Variants in FLNB observed in about 807,000 individuals in gnomAD.
FLNB encodes filamin B, also known as filamin-B.
In FLNB, 111 loss-of-function variants were observed where a neutral mutation model predicts 250.6. The observed-to-expected ratio is 0.44, with a 90% CI of 0.38 to 0.52. The LOEUF is 0.52. FLNB is among the 20% of genes least tolerant of loss of function. The pLI, the probability that FLNB is intolerant of heterozygous loss-of-function variation, is 0.00. For synonymous variants in FLNB, 1,302 were observed against 1,372.1 expected (o/e 0.95, Z 1.13); for missense variants, 2,869 against 3,447.8 (o/e 0.83, Z 4.20).
chr3:58,170,564 T>C lies in FLNB; in HGVS notation c.7622-11T>C, dbSNP rs1265676720. The C allele has an allele frequency of 6.2e-7, 1 of 1,614,000 alleles. No homozygotes were observed. The highest frequency in any genetic ancestry group is 2.2e-5 in the East Asian group (1 of 44,884). ...TGCATCCGGGTGGAGTAACCACCTT[T>C]TGCCTCCTAGGCTCCAACATGCTGC... is the stretch of plus-strand genomic sequence containing the variant. On this transcript the variant is annotated splice_polypyrimidine_tract_variant and intron_variant, in intron 45 of 45. Transcript: ENST00000295956.
intron 1 of FLNB, among the ~76,000 whole-genome samples, chr3:58,033,303 A>G (rs945029170): frequency 6.6e-6 from 1 of 151,834 alleles, no homozygotes; most frequent in African/African-American, 2.4e-5. Flanking sequence ...TTCCACACCC[A>G]TGCTCAAGCA....
chr3:58,060,827 A>C (rs1168100285), intron 1 of FLNB, among the ~76,000 whole-genome samples: 1 of 151,632 alleles, frequency 6.6e-6, no homozygotes, highest in Non-Finnish European at 1.5e-5. Context: ...AGAAAAGAAA[A>C]GAAAAACATG....
At position 58,098,039 on chromosome 3, in the gene FLNB, T is replaced by A. The variant is rs1374344429; in HGVS notation, c.1147+62T>A. The A allele has an allele frequency of 3.2e-6, 5 of 1,555,174 alleles. No homozygotes were observed. The African/African-American group carries it at 4.1e-5, about 13-fold the overall frequency. ...CTTTCTTCCAGAGGCTGAAATATAA[T>A]CCTCGGGGACTTGAAGGCCTGACCT... On this transcript the variant is annotated intron_variant, in intron 7 of 45. Transcript: ENST00000295956.
At chr3:58,010,871 T>C (rs570980335) in intron 1 of FLNB, among the ~76,000 whole-genome samples, 3 of 152,050 alleles carry the variant, frequency 2.0e-5, no homozygotes, top group African/African-American at 7.2e-5. Flanking sequence ...CTAGATTTTG[T>C]CTACATTTTT....
intron 1 of FLNB, among the ~76,000 whole-genome samples, chr3:58,013,105 A>G (rs1382645074): frequency 1.3e-5 from 2 of 152,214 alleles, no homozygotes; most frequent in Admixed American, 1.3e-4. Context: ...AGGAGTTGGC[A>G]GTTTTATTTA....
At chr3:58,076,915 A>G (rs2097202527) in intron 1 of FLNB, 131 bp from the exon 2 acceptor site, 1 of 1,093,452 alleles carries the variant, frequency 9.1e-7, no homozygotes, top group Non-Finnish European at 1.4e-6. Flanking sequence ...TTTCAGCATT[A>G]CATCATTTCA....
chr3:58,038,366 T>C (rs1160486594), intron 1 of FLNB, among the ~76,000 whole-genome samples: 2 of 152,032 alleles, frequency 1.3e-5, no homozygotes, highest in Non-Finnish European at 2.9e-5. Flanking sequence ...GTGTGAAAGC[T>C]GCTGACGTCT....
At chr3:58,141,041 AG>A (rs1381503694) in intron 29 of FLNB, among the ~76,000 whole-genome samples, 2 of 152,086 alleles carry the variant, frequency 1.3e-5, no homozygotes, top group Non-Finnish European at 2.9e-5. Context: ...GGATCCCAGG[AG>A]TTTAAGACCA....
chr3:58,120,493 T>G (rs1463869807), intron 19 of FLNB, among the ~76,000 whole-genome samples: 1 of 152,232 alleles, frequency 6.6e-6, no homozygotes, highest in Non-Finnish European at 1.5e-5. Flanking sequence ...GCTTTTGTTT[T>G]GGGTAAAGTC....
intron 21 of FLNB, 137 bp from the exon 22 acceptor site, chr3:58,124,195 T>G: frequency 1.1e-6 from 1 of 872,422 alleles, no homozygotes; most frequent in Non-Finnish European, 1.9e-6. Flanking sequence ...ATTCTTGATT[T>G]GAGAGTTAGA....
At position 58,109,317 on chromosome 3, in the gene FLNB, T is replaced by C. The variant is rs762236762; in HGVS notation, c.2194T>C (p.Tyr732His). The part of the protein sequence containing the change: ...WGGVNIPHSP[Y>H]RVNIGQGSHP... The stretch of plus-strand genomic sequence containing the variant: ...AGGCGTGAACATCCCGCACAGCCCC[T>C]ACAGGGTAGGTTGTGAGGCAGAATC... The change falls in exon 14 of 46, where the codon TAC becomes CAC. Residue 732 changes from tyrosine to histidine, a missense_variant. By Grantham distance (83) the Tyr-to-His change is moderately conservative. Coordinates refer to ENST00000295956, the MANE Select transcript of FLNB (RefSeq NM_001457.4). The C allele has an allele frequency of 6.2e-7, 1 of 1,613,556 alleles. No individual in the cohort carries two copies. The highest frequency in any genetic ancestry group is 1.1e-5 in the South Asian group (1 of 90,910).
intron 1 of FLNB, among the ~76,000 whole-genome samples, chr3:58,019,906 A>C (rs1559639260): frequency 1.3e-5 from 2 of 152,118 alleles, no homozygotes; most frequent in Non-Finnish European, 2.9e-5. Context: ...AGGTGTGGAC[A>C]GTAGGGACCA....
At chr3:58,081,575 A>G (rs2097209298) in intron 3 of FLNB, 54 bp from the exon 4 acceptor site, 4 of 1,577,228 alleles carry the variant, frequency 2.5e-6, no homozygotes. Flanking sequence ...CAAACACTTC[A>G]ATAGTTGCAA....
At chr3:58,120,875 T>G (rs1229797481) in intron 19 of FLNB, among the ~76,000 whole-genome samples, 4 of 152,216 alleles carry the variant, frequency 2.6e-5, no homozygotes, top group Admixed American at 2.6e-4. Context: ...GACAAGTTAC[T>G]TAACCTCTCT....
chr3:58,019,985 A>AG (rs2097111278), intron 1 of FLNB, among the ~76,000 whole-genome samples: 1 of 151,426 alleles, frequency 6.6e-6, no homozygotes, highest in Non-Finnish European at 1.5e-5. Flanking sequence ...GAGGTGAGGA[A>AG]GGAGGTGTCC....
rs149070499 is a variant in FLNB at position 58,087,744 on chromosome 3, C to T, written c.787+5968C>T. Among the ~76,000 whole-genome samples, 845 of 150,740 alleles carry T rather than the reference C, an allele frequency of 5.6e-3. 10 individuals are homozygous for T. The highest frequency in any genetic ancestry group is 0.019 in the African/African-American group (796 of 40,992). Reference sequence around the variant, plus strand: ...GGATTACAGGTGTGAGCCACTGCGCCCAGCCTTTTTTTTGAGACAGAGTTT... The same window carrying T: ...GGATTACAGGTGTGAGCCACTGCGCTCAGCCTTTTTTTTGAGACAGAGTTT... On this transcript the variant is annotated intron_variant, in intron 4 of 45. Coordinates refer to ENST00000295956, the MANE Select transcript of FLNB (RefSeq NM_001457.4).
At chr3:58,080,296 C>G (rs2097207354) in intron 3 of FLNB, among the ~76,000 whole-genome samples, 1 of 152,084 alleles carries the variant, frequency 6.6e-6, no homozygotes, top group South Asian at 2.1e-4. Flanking sequence ...TGAGACAGAG[C>G]CTCTGTTCAT....
In FLNB at chr3:58,051,675, G is replaced by GT. The variant is rs66498552; in HGVS notation, c.293-25364dup. Among the ~76,000 whole-genome samples the GT allele has an allele frequency of 1.0e-4, 5 of 49,910 alleles. No homozygotes were observed. In the East Asian group the frequency reaches 3.7e-3, roughly 37 times the overall value. The allele number at this position is 49,910 out of a possible 152,430, so 32.7% of individuals were successfully genotyped here. On this transcript the variant is annotated intron_variant, in intron 1 of 45. Coordinates refer to ENST00000295956, the MANE Select transcript of FLNB (RefSeq NM_001457.4). ...ATTTTGTTTTGTTTTGGGGAGGGCA[G>GT]TTTTTTTGGGTTTTTTTTTTAAGCT...
At chr3:58,064,067 C>A (rs1055477450) in intron 1 of FLNB, among the ~76,000 whole-genome samples, 1 of 152,062 alleles carries the variant, frequency 6.6e-6, no homozygotes, top group African/African-American at 2.4e-5. Context: ...TCATTTCAAG[C>A]CAATTTAACT....
Sources: gnomAD v4.1 joint callset for allele counts (sites outside exome capture counted in the v4.1 genomes callset) on GRCh38, gnomAD v4.1.1 for gene constraint, MANE v1.5 for transcripts, NCBI Gene and HGNC (gene_info 2026-07-23, HGNC 2026-07-21) for gene names.